The following PAX2 variants were observed in gnomAD, a reference collection of about 807,000 sequenced individuals.
PAX2 encodes paired box protein Pax-2.
In PAX2, 9 loss-of-function variants were observed where a neutral mutation model predicts 41.7. That is an observed-to-expected ratio of 0.22 (90% confidence interval 0.13 to 0.38). PAX2 has a LOEUF of 0.38. Among genes scored for constraint, PAX2 ranks in the 10% least tolerant of loss-of-function variants. The pLI, the probability that PAX2 is intolerant of heterozygous loss-of-function variation, is 1.00. For synonymous variants in PAX2, 221 were observed against 212.7 expected, an observed-to-expected ratio of 1.04 and a Z score of -0.34; for missense variants, 418 against 531.6, an observed-to-expected ratio of 0.79 and a Z score of 2.10.
At chr10:100,798,086 C>A (rs1158852176) in intron 5 of PAX2, among the ~76,000 whole-genome samples, 1 of 149,220 alleles carries the variant, frequency 6.7e-6, no homozygotes, top group East Asian at 2.0e-4. Flanking sequence ...ATTTCCAAAG[C>A]CTTCTTCATG....
In PAX2 at chr10:100,827,394, G is replaced by T; in HGVS notation, c.1109-149G>T. ...CCCGTGAACGCAACTATTCTCCGGGGCAACTGGCTCCACTGCCCAGCCAAG... is the reference window on the plus strand; with the variant it reads ...CCCGTGAACGCAACTATTCTCCGGGTCAACTGGCTCCACTGCCCAGCCAAG... On this transcript the variant is annotated intron_variant, in intron 9 of 9. Coordinates refer to ENST00000355243, the MANE Select transcript of PAX2 (RefSeq NM_000278.5). The surrounding 1 kb of genome is among the most constrained non-coding windows in gnomAD (Gnocchi z 8.5). The T allele has an allele frequency of 1.3e-6, 1 of 796,214 alleles. No individual in the cohort carries two copies. The highest frequency in any genetic ancestry group is 3.0e-4 in the Middle Eastern group (1 of 3,316). 49.3% of individuals were successfully genotyped at this position (796,214 alleles called of 1,614,324 possible).
intron 6 of PAX2, among the ~76,000 whole-genome samples, chr10:100,808,112 C>T (rs968804593): frequency 3.3e-5 from 5 of 152,148 alleles, no homozygotes; most frequent in Non-Finnish European, 7.3e-5. Flanking sequence ...CCCTGAAACT[C>T]GGAGCAGGGC....
chr10:100,749,742 C>T lies in PAX2; in HGVS notation c.44-4C>T. On this transcript the variant is annotated splice_polypyrimidine_tract_variant and splice_region_variant and intron_variant, in intron 1 of 9. Coordinates refer to ENST00000355243, the MANE Select transcript of PAX2 (RefSeq NM_000278.5). ...TGTTGTGTTTTTTTCTTGTCTCTCC[C>T]CAGCAGGGCACGGGGGTGTGAACCA... is the stretch of plus-strand genomic sequence containing the variant. 1 of 1,608,642 alleles carries T rather than the reference C, an allele frequency of 6.2e-7. No individual in the cohort carries two copies. Among genetic ancestry groups the T allele is most frequent in the Non-Finnish European group, 8.5e-7 (1 of 1,176,420 alleles).
chr10:100,821,798 C>T (rs1034741016), intron 7 of PAX2, among the ~76,000 whole-genome samples: 14 of 152,154 alleles, frequency 9.2e-5, no homozygotes, highest in African/African-American at 2.2e-4. Flanking sequence ...CATTTAAATT[C>T]CTGTTTATTA....
chr10:100,754,781 T>C (rs1489104154), intron 3 of PAX2, among the ~76,000 whole-genome samples: 1 of 152,208 alleles, frequency 6.6e-6, no homozygotes, highest in African/African-American at 2.4e-5. Context: ...AAACTCAGGT[T>C]CCAGAACATT....
chr10:100,806,551 G>A lies in PAX2; in HGVS notation c.738G>A (p.Glu246=). Reference sequence around the variant, plus strand: ...TGGAAGCTTTGGATCGGGTCTTTGAGCGTCCTTCCTACCCTGACGTCTTCC... The same window carrying A: ...TGGAAGCTTTGGATCGGGTCTTTGAACGTCCTTCCTACCCTGACGTCTTCC... The part of the protein sequence containing the change: ...QQLEALDRVF[E]RPSYPDVFQA... The change falls in exon 6 of 10, where the codon GAG becomes GAA. Residue 246 remains glutamate, a synonymous_variant. Transcript: ENST00000355243. 2 of 1,614,218 alleles carry A rather than the reference G, an allele frequency of 1.2e-6. No individual in the cohort carries two copies. Among genetic ancestry groups the A allele is most frequent in the Non-Finnish European group, 1.7e-6 (2 of 1,180,044 alleles).
intron 6 of PAX2, among the ~76,000 whole-genome samples, chr10:100,807,208 G>A (rs1847821300): frequency 6.6e-6 from 1 of 152,086 alleles, no homozygotes; most frequent in African/African-American, 2.4e-5. Context: ...TAACACACCA[G>A]CAAAACGCAC....
intron 1 of PAX2, chr10:100,747,526 TC>T (rs1845237583): frequency 1.6e-6 from 1 of 636,678 alleles, no homozygotes. Context: ...CTCCTCCCTA[TC>T]TGCAGATTAA....
intron 3 of PAX2, among the ~76,000 whole-genome samples, chr10:100,755,485 G>A (rs1322720851): frequency 6.6e-6 from 1 of 152,238 alleles, no homozygotes; most frequent in Non-Finnish European, 1.5e-5. Context: ...CAACTGTTCT[G>A]AGAACTCAAT....
chr10:100,826,025 T>C lies in PAX2; in HGVS notation c.1022-984T>C, dbSNP rs1848548230. Among the ~76,000 whole-genome samples the C allele has an allele frequency of 6.6e-6, 1 of 151,256 alleles. No homozygotes were observed. Among genetic ancestry groups the C allele is most frequent in the Non-Finnish European group, 1.5e-5 (1 of 67,814 alleles). On this transcript the variant is annotated intron_variant, in intron 8 of 9. Coordinates refer to ENST00000355243, the MANE Select transcript of PAX2 (RefSeq NM_000278.5). This position sits in a 1 kb window ranked among gnomAD's most constrained non-coding sequence, Gnocchi z 5.5. Reference sequence around the variant, plus strand: ...GGGGAGCCGCAGAGAGCTCGTGGTGTCGAGGGGGGAGTCGTTAAACAGAAT... The same window carrying C: ...GGGGAGCCGCAGAGAGCTCGTGGTGCCGAGGGGGGAGTCGTTAAACAGAAT...
intron 5 of PAX2, among the ~76,000 whole-genome samples, chr10:100,800,606 C>G (rs1273687867): frequency 6.6e-6 from 1 of 152,176 alleles, no homozygotes; most frequent in Non-Finnish European, 1.5e-5. Flanking sequence ...ACCACCACCC[C>G]CAACTGTCTC....
rs1303065414 is a variant in PAX2 at position 100,809,023 on chromosome 10, C to T, written c.793-87C>T. 1.2e-5 allele frequency: 16 copies of T among 1,307,422 alleles called. No individual in the cohort carries two copies. In the Middle Eastern group the frequency reaches 5.7e-4, roughly 46 times the overall value. 81.0% of individuals were successfully genotyped at this position (1,307,422 alleles called of 1,614,324 possible). On this transcript the variant is annotated intron_variant, in intron 6 of 9. Transcript: ENST00000355243. Reference sequence around the variant, plus strand: ...TCTTTCTACCCCATCTGGGCGGGCTCCCCTGTTCCTCCTCCCCATCTGCAC... The same window carrying T: ...TCTTTCTACCCCATCTGGGCGGGCTTCCCTGTTCCTCCTCCCCATCTGCAC...
At chr10:100,809,362 T>C in intron 7 of PAX2, 126 bp downstream of exon 7, 1 of 985,862 alleles carries the variant, frequency 1.0e-6, no homozygotes, top group Non-Finnish European at 1.6e-6. Flanking sequence ...ACGAGGCTTC[T>C]AAAACCAGGG....
In PAX2 at chr10:100,787,002, AC is replaced by A; in HGVS notation, c.616+5638del. The A allele has an allele frequency of 2.2e-6, 3 of 1,387,786 alleles. No homozygotes were observed. The South Asian group carries it at 3.4e-5, about 16-fold the overall frequency. 86.0% of individuals were successfully genotyped at this position (1,387,786 alleles called of 1,614,324 possible). On this transcript the variant is annotated intron_variant, in intron 5 of 9. Transcript: ENST00000355243. The stretch of plus-strand genomic sequence containing the variant: ...AGGTGGAGGTTTGCATCTGGTCTGG[AC>A]TTTAAGAGGTATGAGGGCCAGAGGG...
At chr10:100,808,954 C>G (rs1484469014) in intron 6 of PAX2, among the ~76,000 whole-genome samples, 156 bp from the exon 7 acceptor site, 1 of 152,176 alleles carries the variant, frequency 6.6e-6, no homozygotes, top group Non-Finnish European at 1.5e-5. Flanking sequence ...ACAAAACTTG[C>G]CATCATCCAC....
At chr10:100,805,016 TCTCACATACACACA>T (rs1441625142) in intron 5 of PAX2, among the ~76,000 whole-genome samples, 8 of 67,260 alleles carry the variant, frequency 1.2e-4, no homozygotes, top group African/African-American at 2.4e-4. Context: ...TCTCTCTCTC[TCTCACATACACACA>T]CACACACACA....
chr10:100,765,962 T>C (rs1846012776), intron 3 of PAX2, among the ~76,000 whole-genome samples: 1 of 152,218 alleles, frequency 6.6e-6, no homozygotes, highest in Non-Finnish European at 1.5e-5. Flanking sequence ...GGTTAACAAG[T>C]GCTTACTACA....
chr10:100,755,113 C>G (rs1011879668), intron 3 of PAX2, among the ~76,000 whole-genome samples: 4 of 152,246 alleles, frequency 2.6e-5, no homozygotes, highest in South Asian at 2.1e-4. Context: ...GGTTACCCAT[C>G]ATTGGAATAA....
intron 3 of PAX2, among the ~76,000 whole-genome samples, chr10:100,777,655 A>G (rs1276120326): frequency 6.6e-6 from 1 of 152,206 alleles, no homozygotes; most frequent in Non-Finnish European, 1.5e-5. Context: ...TTGGCCTCCC[A>G]AAGTGCTGGG....
Sources: allele counts gnomAD v4.1 joint callset (sites outside exome capture counted in the v4.1 genomes callset), GRCh38; gene constraint gnomAD v4.1.1; non-coding constraint Gnocchi (gnomAD v3.1); transcripts MANE v1.5; gene names NCBI Gene and HGNC (gene_info 2026-07-23, HGNC 2026-07-21).